Variants in LRRC4C observed in about 807,000 individuals in gnomAD.
LRRC4C encodes leucine rich repeat containing 4C.
Under a neutral mutation model 33.6 loss-of-function variants are expected in LRRC4C, and 5 were observed. The ratio of observed to expected loss-of-function variants is 0.15; its 90% CI spans 0.08 to 0.31. The LOEUF is 0.31. Ranked by LOEUF, LRRC4C falls within the 10% of genes least tolerant of loss-of-function variation. The probability of loss-of-function intolerance (pLI) is 1.00; values close to 1 mark genes in which losing one functional copy is unlikely to be tolerated. For synonymous variants in LRRC4C, 329 were observed against 302.0 expected, an observed-to-expected ratio of 1.09 and a Z score of -0.93; for missense variants, 560 against 796.7, an observed-to-expected ratio of 0.70 and a Z score of 3.58.
intron 1 of LRRC4C, among the ~76,000 whole-genome samples, chr11:41,429,169 C>T (rs1397400740): frequency 6.6e-6 from 1 of 152,102 alleles, no homozygotes; most frequent in Non-Finnish European, 1.5e-5. Context: ...GCTTTTCCCT[C>T]TTTTGGTTGG....
chr11:41,149,618 G>A (rs1302259939), intron 1 of LRRC4C, among the ~76,000 whole-genome samples: 2 of 152,152 alleles, frequency 1.3e-5, no homozygotes, highest in African/African-American at 4.8e-5. Context: ...TTTAGGTGGA[G>A]GGACCTACCT....
intron 3 of LRRC4C, among the ~76,000 whole-genome samples, chr11:40,549,371 C>A (rs968127655): frequency 2.6e-5 from 4 of 152,118 alleles, no homozygotes; most frequent in Non-Finnish European, 4.4e-5. Flanking sequence ...GAACACTTAC[C>A]TCTTCCCCTC....
At chr11:40,757,366 T>A (rs943322580) in intron 2 of LRRC4C, among the ~76,000 whole-genome samples, 2 of 152,104 alleles carry the variant, frequency 1.3e-5, no homozygotes, top group Non-Finnish European at 2.9e-5. Context: ...AACTTGCCTC[T>A]GAGGCTTTCC....
intron 1 of LRRC4C, among the ~76,000 whole-genome samples, chr11:41,453,609 G>A (rs551862722): frequency 6.6e-6 from 1 of 152,018 alleles, no homozygotes; most frequent in Admixed American, 6.6e-5. Context: ...TCCTTTGTTT[G>A]CCTTATCTGT....
intron 4 of LRRC4C, among the ~76,000 whole-genome samples, chr11:40,251,373 C>G (rs1320542131): frequency 6.6e-6 from 1 of 152,052 alleles, no homozygotes; most frequent in Non-Finnish European, 1.5e-5. Flanking sequence ...CCCATTGATA[C>G]AAACTGAAGG....
intron 3 of LRRC4C, among the ~76,000 whole-genome samples, chr11:40,615,222 G>T (rs554609630): frequency 3.5e-5 from 4 of 114,332 alleles, no homozygotes; most frequent in Admixed American, 3.5e-4. Context: ...GCAATCACTC[G>T]ATGCATTGAT....
At chr11:40,479,613 A>G (rs1366992642) in intron 3 of LRRC4C, among the ~76,000 whole-genome samples, 1 of 152,154 alleles carries the variant, frequency 6.6e-6, no homozygotes, top group Non-Finnish European at 1.5e-5. Context: ...CTGCCGAGGG[A>G]GGCGGCTGCT....
At chr11:40,478,763 A>C (rs1411374408) in intron 3 of LRRC4C, among the ~76,000 whole-genome samples, 1 of 151,982 alleles carries the variant, frequency 6.6e-6, no homozygotes. Context: ...TGAATAAAAG[A>C]CTCCTTAAAA....
At chr11:41,438,073 T>TAAATAAA (rs1565673247) in intron 1 of LRRC4C, among the ~76,000 whole-genome samples, 1 of 60,080 alleles carries the variant, frequency 1.7e-5, no homozygotes, top group Non-Finnish European at 4.4e-5. Flanking sequence ...AAATAAATAA[T>TAAATAAA]AAAAAAAAAT....
At chr11:40,988,955 G>C (rs1415596579) in intron 1 of LRRC4C, among the ~76,000 whole-genome samples, 1 of 151,670 alleles carries the variant, frequency 6.6e-6, no homozygotes, top group African/African-American at 2.4e-5. Flanking sequence ...CTCCTGACCT[G>C]GTGATTCGTG....
intron 1 of LRRC4C, among the ~76,000 whole-genome samples, chr11:41,407,775 CT>C (rs1439254686): frequency 6.6e-6 from 1 of 152,168 alleles, no homozygotes; most frequent in African/African-American, 2.4e-5. Flanking sequence ...TTCAAATATT[CT>C]GTTTACTTGG....
chr11:40,134,128 A>C (rs989569819), intron 6 of LRRC4C, among the ~76,000 whole-genome samples: 3 of 152,198 alleles, frequency 2.0e-5, no homozygotes, highest in Non-Finnish European at 4.4e-5. Context: ...GTGGTGGCAC[A>C]TGCCTGTAGT....
At chr11:41,346,557 T>A (rs1951809699) in intron 1 of LRRC4C, among the ~76,000 whole-genome samples, 1 of 152,196 alleles carries the variant, frequency 6.6e-6, no homozygotes, top group Non-Finnish European at 1.5e-5. Context: ...TGAAAAATTA[T>A]CAAACCAATA....
chr11:40,544,145 C>T (rs949241786), intron 3 of LRRC4C, among the ~76,000 whole-genome samples: 7 of 151,918 alleles, frequency 4.6e-5, no homozygotes, highest in East Asian at 1.9e-4. Flanking sequence ...ATTAGATGAC[C>T]GATATTTAAA....
At chr11:40,186,961 G>A (rs901718951) in intron 5 of LRRC4C, among the ~76,000 whole-genome samples, 1 of 152,130 alleles carries the variant, frequency 6.6e-6, no homozygotes, top group Non-Finnish European at 1.5e-5. Flanking sequence ...GAGAGTGGCA[G>A]GGCTGTGCTG....
chr11:40,175,167 A>G (rs1860371891), intron 5 of LRRC4C, among the ~76,000 whole-genome samples: 1 of 152,258 alleles, frequency 6.6e-6, no homozygotes, highest in African/African-American at 2.4e-5. Flanking sequence ...TGCATAATAG[A>G]TTTGATTGTG....
At chr11:40,517,744 G>T (rs115976090) in intron 3 of LRRC4C, among the ~76,000 whole-genome samples, 2 of 147,018 alleles carry the variant, frequency 1.4e-5, no homozygotes, top group South Asian at 2.2e-4. Context: ...GAATTGGGGG[G>T]AAAAAAAAAA....
At chr11:41,043,459 T>C (rs1394776778) in intron 1 of LRRC4C, among the ~76,000 whole-genome samples, 1 of 152,194 alleles carries the variant, frequency 6.6e-6, no homozygotes, top group East Asian at 1.9e-4. Flanking sequence ...ATTGTTCAAA[T>C]CTGCTATAAA....
intron 1 of LRRC4C, among the ~76,000 whole-genome samples, chr11:41,419,837 T>C (rs1954814597): frequency 6.6e-6 from 1 of 151,916 alleles, no homozygotes; most frequent in Non-Finnish European, 1.5e-5. Context: ...TCAAGCCATC[T>C]GATACTCAAG....
Sources: allele counts gnomAD v4.1 joint callset (sites outside exome capture counted in the v4.1 genomes callset), GRCh38; gene constraint gnomAD v4.1.1; transcripts MANE v1.5; gene names NCBI Gene and HGNC (gene_info 2026-07-23, HGNC 2026-07-21).